The following GLI3 variants were observed in gnomAD, a reference collection of about 807,000 sequenced individuals.
GLI3 encodes the protein transcription activator GLI3.
In GLI3, 20 loss-of-function variants were observed where a neutral mutation model predicts 100.8. That is an observed-to-expected ratio of 0.20 (90% CI 0.14 to 0.29). The LOEUF (loss-of-function observed/expected upper bound fraction) is 0.29. Among genes scored for constraint, GLI3 ranks in the 10% least tolerant of loss-of-function variants. The pLI is 1.00. For synonymous variants in GLI3, 938 were observed against 860.5 expected, an observed-to-expected ratio of 1.09 and a Z score of -1.58; for missense variants, 2,040 against 2,128.5, an observed-to-expected ratio of 0.96 and a Z score of 0.82.
At position 41,972,454 on chromosome 7, in the gene GLI3, G is replaced by A. The variant is rs749293981; in HGVS notation, c.1986C>T (p.Ser662=). 1.2e-6 allele frequency: 2 copies of A among 1,613,884 alleles called. No individual in the cohort carries two copies. Among genetic ancestry groups the A allele is most frequent in the African/African-American group, 1.3e-5 (1 of 74,980 alleles). The part of the protein sequence containing the change: ...PPRDSGSHSQ[S]RSPGRPTQGA... The stretch of plus-strand genomic sequence containing the variant: ...CCTGAGTCGGTCGGCCAGGCGACCT[G>A]GACTGTGAATGGCTGCCGGAATCTC... Residue 662 remains serine, a synonymous_variant, in exon 13 of 15, where the codon TCC becomes TCT. Coordinates refer to ENST00000395925, the MANE Select transcript of GLI3 (RefSeq NM_000168.6). The surrounding 1 kb of genome is among the most constrained non-coding windows in gnomAD (Gnocchi z 4.4).
chr7:42,174,736 C>G, intron 2 of GLI3, among the ~76,000 whole-genome samples: 1 of 152,174 alleles, frequency 6.6e-6, no homozygotes, highest in Non-Finnish European at 1.5e-5. Context: ...CAACCGCCCC[C>G]CAGGGCCGCA....
chr7:42,189,505 G>A (rs1238908534), intron 2 of GLI3, among the ~76,000 whole-genome samples: 2 of 152,100 alleles, frequency 1.3e-5, no homozygotes, highest in East Asian at 3.9e-4. Context: ...ATTTTTAAAA[G>A]CTAATCAGGA....
intron 3 of GLI3, among the ~76,000 whole-genome samples, chr7:42,126,509 G>A (rs1786135477): frequency 6.6e-6 from 1 of 152,208 alleles, no homozygotes; most frequent in Non-Finnish European, 1.5e-5. Context: ...GAACAGTTTA[G>A]ATGATCAAGA....
At chr7:42,049,754 C>G (rs373772131) in intron 4 of GLI3, among the ~76,000 whole-genome samples, 1 of 152,104 alleles carries the variant, frequency 6.6e-6, no homozygotes, top group African/African-American at 2.4e-5. Flanking sequence ...CCTTCTCTAA[C>G]GGAAAACATT....
intron 3 of GLI3, among the ~76,000 whole-genome samples, chr7:42,102,860 C>T (rs928970133): frequency 3.3e-5 from 5 of 152,104 alleles, no homozygotes; most frequent in Non-Finnish European, 5.9e-5. Context: ...CATCTCAGTT[C>T]GCCGGTCACA....
chr7:42,070,472 G>A (rs1029365986), intron 4 of GLI3, among the ~76,000 whole-genome samples: 4 of 152,196 alleles, frequency 2.6e-5, no homozygotes, highest in Non-Finnish European at 5.9e-5. Flanking sequence ...ATGGAAGTCC[G>A]GAGCAAGGGT....
chr7:42,192,244 T>C (rs1787842125), intron 2 of GLI3, among the ~76,000 whole-genome samples: 1 of 152,080 alleles, frequency 6.6e-6, no homozygotes, highest in African/African-American at 2.4e-5. Context: ...GTTCATCTAG[T>C]AAAAATGTGA....
rs200023192 is a variant in GLI3, at chr7:41,986,845, AC to A, written c.1498-8098del. Reference sequence around the variant, plus strand: ...TAAATTATATCTCAATAAAGATATTACCCCCCACCCCCACCCCACGCCTCCA... The same window carrying A: ...TAAATTATATCTCAATAAAGATATTACCCCCACCCCCACCCCACGCCTCCA... On this transcript the variant is annotated intron_variant, in intron 10 of 14. Transcript: ENST00000395925. Among the ~76,000 whole-genome samples, 1,373 of 149,610 alleles carry A rather than the reference AC, an allele frequency of 9.2e-3. 25 individuals carry two copies. Among genetic ancestry groups the A allele is most frequent in the African/African-American group, 0.033 (1,316 of 40,432 alleles).
At chr7:41,996,576 G>A (rs1009744948) in intron 10 of GLI3, among the ~76,000 whole-genome samples, 1 of 152,168 alleles carries the variant, frequency 6.6e-6, no homozygotes, top group African/African-American at 2.4e-5. Context: ...CCTGACCCAA[G>A]AGAAAGGATT....
At chr7:42,179,502 G>A (rs1186601508) in intron 2 of GLI3, among the ~76,000 whole-genome samples, 1 of 152,156 alleles carries the variant, frequency 6.6e-6, no homozygotes, top group Non-Finnish European at 1.5e-5. Context: ...ATTTGTAAAG[G>A]CTCACTGTGT....
intron 3 of GLI3, among the ~76,000 whole-genome samples, chr7:42,143,563 G>A (rs1235992713): frequency 6.6e-6 from 1 of 152,094 alleles, no homozygotes; most frequent in Non-Finnish European, 1.5e-5. Flanking sequence ...AGACAGACAG[G>A]TAGAAAAAAA....
intron 2 of GLI3, among the ~76,000 whole-genome samples, chr7:42,191,724 C>T (rs1787832042): frequency 6.6e-6 from 1 of 151,846 alleles, no homozygotes; most frequent in Non-Finnish European, 1.5e-5. Flanking sequence ...AAGCCCTTAA[C>T]ATATTAACTC....
intron 3 of GLI3, among the ~76,000 whole-genome samples, chr7:42,132,493 C>G (rs1786316033): frequency 6.6e-6 from 1 of 152,142 alleles, no homozygotes. Context: ...AAGAGAGCTT[C>G]AAGGTTTCTT....
At chr7:41,981,849 C>T (rs1044691950) in intron 10 of GLI3, among the ~76,000 whole-genome samples, 5 of 152,186 alleles carry the variant, frequency 3.3e-5, no homozygotes. Flanking sequence ...GAGGGCAGTG[C>T]CTGGAAAAAT....
At chr7:42,072,430 G>T (rs1377855209) in intron 4 of GLI3, among the ~76,000 whole-genome samples, 1 of 152,116 alleles carries the variant, frequency 6.6e-6, no homozygotes, top group Non-Finnish European at 1.5e-5. Flanking sequence ...AATACACCAT[G>T]CCTACTTTTA....
At chr7:42,078,923 C>G (rs947277377) in intron 3 of GLI3, among the ~76,000 whole-genome samples, 5 of 151,924 alleles carry the variant, frequency 3.3e-5, no homozygotes, top group Non-Finnish European at 5.9e-5. Context: ...TAGACACAGG[C>G]TTTCACCGTG....
At chr7:42,179,127 G>A (rs758556026) in intron 2 of GLI3, among the ~76,000 whole-genome samples, 20 of 152,024 alleles carry the variant, frequency 1.3e-4, no homozygotes, top group Non-Finnish European at 2.5e-4. Context: ...TGCCATTCTC[G>A]TGATATTAAG....
chr7:42,160,785 C>T (rs139669373), intron 2 of GLI3, among the ~76,000 whole-genome samples: 16 of 152,274 alleles, frequency 1.1e-4, no homozygotes, highest in African/African-American at 3.6e-4. Context: ...AAGAGAGCTC[C>T]GTAACCTCTA....
At chr7:42,007,343 G>A (rs2128724121) in intron 10 of GLI3, among the ~76,000 whole-genome samples, 1 of 152,048 alleles carries the variant, frequency 6.6e-6, no homozygotes, top group Non-Finnish European at 1.5e-5. Context: ...TCTCTTATGT[G>A]CTTGAAATAA....
Sources: allele counts gnomAD v4.1 joint callset (sites outside exome capture counted in the v4.1 genomes callset), GRCh38; gene constraint gnomAD v4.1.1; non-coding constraint Gnocchi (gnomAD v3.1); transcripts MANE v1.5; gene names NCBI Gene and HGNC (gene_info 2026-07-23, HGNC 2026-07-21).